Variants in PATJ observed in about 807,000 individuals in gnomAD.
The protein encoded by PATJ is PATJ crumbs cell polarity complex component, also known as inaD-like protein.
A neutral mutation model predicts 224.9 loss-of-function variants in PATJ; 190 were observed. That is an observed-to-expected ratio of 0.84 (90% CI 0.75 to 0.95). The LOEUF (loss-of-function observed/expected upper bound fraction) is 0.95. Among genes scored for constraint, PATJ ranks in the 40% least tolerant of loss-of-function variants. The pLI is 0.00. For synonymous variants in PATJ, 769 were observed against 820.3 expected, an observed-to-expected ratio of 0.94 and a Z score of 1.07; for missense variants, 2,121 against 2,270.3, an observed-to-expected ratio of 0.93 and a Z score of 1.34.
intron 22 of PATJ, among the ~76,000 whole-genome samples, chr1:61,886,986 A>G (rs948252406): frequency 2.0e-5 from 3 of 151,552 alleles, no homozygotes; most frequent in Non-Finnish European, 4.4e-5. Flanking sequence ...GTCTCAAAAA[A>G]AAAATACATG....
rs78496504 is a variant in PATJ at position 61,795,099 on chromosome 1, TAAAA to T, written c.1169-348_1169-345del. ...TAGGAGACTCTTGTCATAGTGATGG[TAAAA>T]AAAAAAAAAAAAAAAAAAAGAAGTT... is the stretch of plus-strand genomic sequence containing the variant. On this transcript the variant is annotated intron_variant, in intron 9 of 43. Transcript: ENST00000642238. 6.9e-5 allele frequency among the ~76,000 whole-genome samples: 7 copies of T among 101,202 alleles called. No homozygotes were observed. The East Asian group carries it at 1.4e-3, about 21-fold the overall frequency. 66.4% of individuals were successfully genotyped at this position (101,202 alleles called of 152,430 possible).
intron 41 of PATJ, among the ~76,000 whole-genome samples, chr1:62,145,998 T>C (rs954940151): frequency 2.0e-5 from 3 of 151,580 alleles, no homozygotes; most frequent in African/African-American, 7.3e-5. Flanking sequence ...GAAATAAATA[T>C]TTAGAAGGAA....
intron 33 of PATJ, among the ~76,000 whole-genome samples, chr1:62,092,726 T>TTTTATTTA (rs150393814): frequency 6.6e-6 from 1 of 150,830 alleles, no homozygotes; most frequent in African/African-American, 2.5e-5. Flanking sequence ...AGAAAACGAC[T>TTTTATTTA]TTTATTTATT....
chr1:61,771,586 GT>G lies in PATJ; in HGVS notation c.681del (p.Ser227ArgfsTer6), dbSNP rs1470036864. On this transcript the variant is annotated frameshift_variant, in exon 6 of 44. Transcript: ENST00000642238. LOFTEE classifies it high-confidence loss of function. ...AGGGAACCAGTCCACACAAAAAGCA[GT>G]ACTTCTAGCAGCCTAAATGATACAA... The part of the protein sequence containing the change: ...VAREPVHTKS[S>X]TSSSLNDTTL... 6.2e-7 allele frequency: 1 copy of G among 1,609,358 alleles called. No individual in the cohort carries two copies. The highest frequency in any genetic ancestry group is 8.5e-7 in the Non-Finnish European group (1 of 1,178,748).
At chr1:61,804,533 A>T (rs1452695934) in intron 12 of PATJ, among the ~76,000 whole-genome samples, 2 of 152,210 alleles carry the variant, frequency 1.3e-5, no homozygotes, top group Admixed American at 6.5e-5. Context: ...TGGTTATATC[A>T]GTTGTGATAA....
intron 27 of PATJ, among the ~76,000 whole-genome samples, chr1:61,974,166 T>C (rs1035569273): frequency 2.0e-5 from 3 of 151,866 alleles, no homozygotes; most frequent in Non-Finnish European, 4.4e-5. Flanking sequence ...TAGAAAGGCT[T>C]CAAAGGACAT....
chr1:61,923,654 A>G (rs1012518981), intron 26 of PATJ, among the ~76,000 whole-genome samples: 1 of 152,174 alleles, frequency 6.6e-6, no homozygotes, highest in African/African-American at 2.4e-5. Flanking sequence ...GTGGTGGCTC[A>G]TGCCTGTAAT....
chr1:61,973,948 A>T (rs1683317455), intron 27 of PATJ, among the ~76,000 whole-genome samples: 1 of 151,794 alleles, frequency 6.6e-6, no homozygotes, highest in South Asian at 2.1e-4. Flanking sequence ...ATAGGGACTT[A>T]TCTTAGTGTT....
chr1:61,887,475 T>C lies in PATJ; in HGVS notation c.3131+3067T>C, dbSNP rs141900470. On this transcript the variant is annotated intron_variant, in intron 22 of 43. Coordinates refer to ENST00000642238, the MANE Select transcript of PATJ (RefSeq NM_001350145.3). ...GAAAGGTGTTGGAGCAGAGATTAGC[T>C]TTTGAAAGAGTGGTAGGAGAGTAAC... Among the ~76,000 whole-genome samples, 919 of 152,266 alleles carry C rather than the reference T, an allele frequency of 6.0e-3. 7 individuals carry two copies. The highest frequency in any genetic ancestry group is 0.021 in the African/African-American group (887 of 41,546).
At chr1:61,746,663 GA>G (rs1321685024) in intron 1 of PATJ, among the ~76,000 whole-genome samples, 1 of 140,890 alleles carries the variant, frequency 7.1e-6, no homozygotes, top group Admixed American at 7.0e-5. Context: ...AAGCTGAATA[GA>G]AAATTAAGCT....
chr1:61,987,027 C>A (rs1644799560), intron 27 of PATJ, among the ~76,000 whole-genome samples: 1 of 151,846 alleles, frequency 6.6e-6, no homozygotes, highest in South Asian at 2.1e-4. Context: ...TTAGCTGTGT[C>A]TCTCAAGTTT....
At chr1:61,894,497 G>A (rs531851796) in intron 22 of PATJ, among the ~76,000 whole-genome samples, 7 of 152,240 alleles carry the variant, frequency 4.6e-5, no homozygotes, top group South Asian at 2.1e-4. Flanking sequence ...TAGTGAGGGA[G>A]TTCTCACAAG....
At chr1:61,815,143 G>C (rs1288360878) in intron 14 of PATJ, among the ~76,000 whole-genome samples, 3 of 152,204 alleles carry the variant, frequency 2.0e-5, no homozygotes, top group Non-Finnish European at 2.9e-5. Context: ...GGGAGCCAGG[G>C]AAAGCCTTTC....
At chr1:61,871,427 A>ACATATGCG (rs1666433139) in intron 20 of PATJ, among the ~76,000 whole-genome samples, 1 of 59,782 alleles carries the variant, frequency 1.7e-5, no homozygotes, top group African/African-American at 6.1e-5. Context: ...ATATATGTAC[A>ACATATGCG]TATATATGTG....
At chr1:62,042,532 C>T (rs557420405) in intron 30 of PATJ, among the ~76,000 whole-genome samples, 1 of 152,078 alleles carries the variant, frequency 6.6e-6, no homozygotes, top group South Asian at 2.1e-4. Context: ...TGAAATAGAG[C>T]CATATCATTA....
intron 14 of PATJ, among the ~76,000 whole-genome samples, chr1:61,816,241 G>C (rs1656081160): frequency 6.6e-6 from 1 of 152,112 alleles, no homozygotes; most frequent in African/African-American, 2.4e-5. Flanking sequence ...TCAGTTACCA[G>C]GGCCGGTTCT....
intron 27 of PATJ, among the ~76,000 whole-genome samples, chr1:61,944,827 A>G (rs1314264523): frequency 6.6e-6 from 1 of 152,174 alleles, no homozygotes; most frequent in African/African-American, 2.4e-5. Flanking sequence ...AGCCAGAGAG[A>G]AAGGTTGGGT....
intron 28 of PATJ, among the ~76,000 whole-genome samples, chr1:62,012,161 G>C (rs1429316580): frequency 1.5e-5 from 2 of 133,194 alleles, no homozygotes; most frequent in Non-Finnish European, 3.3e-5. Flanking sequence ...TAAGATGGTA[G>C]AGTGACCATC....
At chr1:61,795,890 T>G (rs143526266) in intron 10 of PATJ, among the ~76,000 whole-genome samples, 4 of 152,326 alleles carry the variant, frequency 2.6e-5, no homozygotes, top group African/African-American at 7.2e-5. Flanking sequence ...TTATCTATAA[T>G]TAATAGGCCA....
Sources: gnomAD v4.1 joint callset for allele counts (sites outside exome capture counted in the v4.1 genomes callset) on GRCh38, gnomAD v4.1.1 for gene constraint, MANE v1.5 for transcripts, NCBI Gene and HGNC (gene_info 2026-07-23, HGNC 2026-07-21) for gene names.